The following ERI2 variants were observed in gnomAD, a reference collection of about 807,000 sequenced individuals.
The protein encoded by ERI2 is ERI1 exoribonuclease 2.
A neutral mutation model predicts 46.8 loss-of-function variants in ERI2; 35 were observed. That is an observed-to-expected ratio of 0.75 (90% CI 0.57 to 0.99). The LOEUF (loss-of-function observed/expected upper bound fraction) is 0.99. Among genes scored for constraint, ERI2 ranks in the 50% least tolerant of loss-of-function variants. The pLI is 0.00. For synonymous variants in ERI2, 224 were observed against 271.0 expected, an observed-to-expected ratio of 0.83 and a Z score of 1.70; for missense variants, 695 against 796.2, an observed-to-expected ratio of 0.87 and a Z score of 1.53.
intron 7 of ERI2, 102 bp downstream of exon 7, chr16:20,799,855 G>A (rs761164984): frequency 3.1e-6 from 2 of 652,860 alleles, no homozygotes; most frequent in East Asian, 5.5e-5. Context: ...TTTTTTTTTA[G>A]GCTGAAGATA....
In ERI2 at chr16:20,789,372, T is replaced by C. The variant is rs545967099; in HGVS notation, c.894+107A>G. On this transcript the variant is annotated intron_variant, in intron 10 of 10. Coordinates refer to the ERI2 transcript ENST00000300005. ...AAGTACTTAAAGGTTTAGCATTAATTACTTAGCATGTATTAAGTACTTAAT... is the reference window on the plus strand; with the variant it reads ...AAGTACTTAAAGGTTTAGCATTAATCACTTAGCATGTATTAAGTACTTAAT... The C allele has an allele frequency of 3.4e-5, 28 of 811,626 alleles. No individual in the cohort carries two copies. The South Asian group carries it at 4.3e-4, about 13-fold the overall frequency. 50.3% of individuals were successfully genotyped at this position (811,626 alleles called of 1,614,324 possible). A position where few individuals can be genotyped will look rare whatever the true frequency, so the allele number is the denominator to read the frequency against.
chr16:20,787,178 T>C (rs2080492720), intron 10 of ERI2, among the ~76,000 whole-genome samples: 1 of 152,212 alleles, frequency 6.6e-6, no homozygotes, highest in African/African-American at 2.4e-5. Context: ...TATGATAGGG[T>C]TATGTCCCAA....
chr16:20,788,249 C>T (rs577173986), intron 10 of ERI2, among the ~76,000 whole-genome samples: 2 of 152,334 alleles, frequency 1.3e-5, no homozygotes, highest in Non-Finnish European at 2.9e-5. Context: ...TAAGCACACT[C>T]ATGTCTGCAT....
intron 5 of ERI2, 113 bp downstream of exon 5, chr16:20,801,090 C>A (rs974433934): frequency 2.0e-6 from 2 of 1,019,142 alleles, no homozygotes; most frequent in African/African-American, 3.3e-5. Flanking sequence ...TTTTTCCTAG[C>A]CCAGAAGATT....
At chr16:20,789,564 A>C (rs763107432) in intron 9 of ERI2, 1 of 1,592,316 alleles carries the variant, frequency 6.3e-7, no homozygotes, top group East Asian at 2.2e-5. Flanking sequence ...ACAGCTAAAC[A>C]AAGTTTGAAA....
In ERI2 at chr16:20,800,066, A is replaced by G. The variant is rs116689927; in HGVS notation, c.562-28T>C. ...AACCAATAAAAAAAGATATATTTAA[A>G]AGAAGATTACTATTTTAAAGACTAT... is the stretch of plus-strand genomic sequence containing the variant. On this transcript the variant is annotated intron_variant, in intron 6 of 8. Transcript: ENST00000357967. 1,444 of 1,374,230 alleles carry G rather than the reference A, an allele frequency of 1.1e-3. 9 individuals are homozygous for G. The African/African-American group carries it at 0.018, about 17-fold the overall frequency. 85.1% of individuals were successfully genotyped at this position (1,374,230 alleles called of 1,614,324 possible).
At chr16:20,793,548 C>A (rs985717004), downstream of ERI2, among the ~76,000 whole-genome samples, 1 of 151,902 alleles carries the variant, frequency 6.6e-6, no homozygotes, top group African/African-American at 2.4e-5. Flanking sequence ...GGATCTCCCC[C>A]CAGGACTGAT....
In ERI2 at chr16:20,790,496, G is replaced by A; in HGVS notation, c.815+354C>T. 6.8e-6 allele frequency: 9 copies of A among 1,324,550 alleles called. 1 individual carries two copies. In the South Asian group the frequency reaches 1.1e-4, roughly 16 times the overall value. The allele number at this position is 1,324,550 out of a possible 1,614,324, so 82.0% of individuals were successfully genotyped here. On this transcript the variant is annotated intron_variant, in intron 9 of 10. Transcript: ENST00000300005. The surrounding 1 kb of genome is among the most constrained non-coding windows in gnomAD (Gnocchi z 4.0). ...TTTTTTAAGTCTTCATTTTTAAATGGCAAAAGCCAAAATAAAACTTGCAAA... is the reference window on the plus strand; with the variant it reads ...TTTTTTAAGTCTTCATTTTTAAATGACAAAAGCCAAAATAAAACTTGCAAA...
At position 20,798,926 on chromosome 16, in the gene ERI2, T is replaced by C. The variant is rs1241222950; in HGVS notation, c.874A>G (p.Lys292Glu). The C allele has an allele frequency of 1.3e-6, 2 of 1,551,108 alleles. No individual in the cohort carries two copies. The highest frequency in any genetic ancestry group is 3.9e-5 in the Admixed American group (2 of 50,908). ...GCACAAATTGACTTCATTTGAACTTTTTCATGAGGATTTATTATATTTTTA... is the reference window on the plus strand; with the variant it reads ...GCACAAATTGACTTCATTTGAACTTCTTCATGAGGATTTATTATATTTTTA... ...EPKNIINPHE[K>E]VQMKSICANS... Residue 292 changes from lysine to glutamate, a missense_variant, in exon 9 of 9, where the codon AAA becomes GAA. Physicochemically the swap from Lys to Glu is moderately conservative, Grantham distance 56 (BLOSUM62 1). Coordinates refer to ENST00000357967, the MANE Select transcript of ERI2 (RefSeq NM_001142725.2).
Position 20,790,745 on chromosome 16 carries a change from A to C in ERI2, c.815+105T>G. 1 of 1,613,702 alleles carries C rather than the reference A, an allele frequency of 6.2e-7. No individual in the cohort carries two copies. Among genetic ancestry groups the C allele is most frequent in the Non-Finnish European group, 8.5e-7 (1 of 1,179,660 alleles). ...ATTTATTTCTCAAGTGCTTGGTAAC[A>C]ATCCCTGTTTGCCACAAAACATACC... On this transcript the variant is annotated intron_variant, in intron 9 of 10. Transcript: ENST00000300005. This position sits in a 1 kb window ranked among gnomAD's most constrained non-coding sequence, Gnocchi z 4.0.
intron 3 of ERI2, 130 bp downstream of exon 3, chr16:20,803,303 A>G: frequency 1.9e-6 from 2 of 1,053,844 alleles, no homozygotes; most frequent in East Asian, 5.3e-5. Flanking sequence ...TTTTTATTCA[A>G]CATAAGTTTT....
chr16:20,780,457 C>T, exon 11 of ERI2: 2 of 667,654 alleles, frequency 3.0e-6, no homozygotes, highest in East Asian at 2.8e-5. Context: ...TGCTTCAATC[C>T]TTCTTTATCA....
At chr16:20,786,360 C>T in intron 10 of ERI2, 4 of 1,070,608 alleles carry the variant, frequency 3.7e-6, no homozygotes, top group Non-Finnish European at 5.1e-6. Context: ...CCATATTGTA[C>T]CATACAGTTC....
intron 4 of ERI2, among the ~76,000 whole-genome samples, chr16:20,801,912 C>T (rs1240994952): frequency 6.6e-6 from 1 of 151,992 alleles, no homozygotes; most frequent in Non-Finnish European, 1.5e-5. Context: ...GTGTGTAACA[C>T]CATGCCTGGC....
At chr16:20,787,124 G>A (rs4570833) in intron 10 of ERI2, among the ~76,000 whole-genome samples, 64,945 of 152,056 alleles carry the variant, frequency 0.43, 16,411 homozygotes, top group Non-Finnish European at 0.58. Context: ...TCAAAGCTGG[G>A]TGTAGCCAAA....
At chr16:20,796,121 A>G (rs118134669), downstream of ERI2, 2,668 of 457,970 alleles carry the variant, frequency 5.8e-3, 15 homozygotes, top group Non-Finnish European at 8.5e-3. Context: ...ACTACTGTTT[A>G]TAAGTAATCC....
In ERI2 at chr16:20,796,873, T is replaced by C. The variant is rs775616481; in HGVS notation, c.*851A>G. 5.6e-6 allele frequency: 9 copies of C among 1,610,156 alleles called. No homozygotes were observed. Among genetic ancestry groups the C allele is most frequent in the Middle Eastern group, 1.6e-4 (1 of 6,068 alleles). ...AATTTCCAGGCTAATTTTCTTCCCC[T>C]TGATGCCAACAGGTAGAATTTATTC... On this transcript the variant is annotated 3_prime_UTR_variant, in exon 9 of 9. Transcript: ENST00000357967.
downstream of ERI2, chr16:20,791,869 A>C: frequency 1.0e-6 from 1 of 994,356 alleles, no homozygotes; most frequent in Non-Finnish European, 1.4e-6. Flanking sequence ...CAGAGGTTGC[A>C]GTAAGCCAAG....
In ERI2 at chr16:20,798,572, C is replaced by T. The variant is rs1276200727; in HGVS notation, c.1228G>A (p.Asp410Asn). The change falls in exon 9 of 9, where the codon GAT (aspartate) becomes AAT (asparagine). Residue 410 changes from aspartate to asparagine, a missense_variant. Coordinates refer to ENST00000357967, the MANE Select transcript of ERI2 (RefSeq NM_001142725.2). ...DCLPVLADWE[D>N]VVLLPASQPE... is the part of the protein sequence containing the mutation. ...TGAGATGCTGGCAGTAAAACCACATCCTCCCAATCAGCCAACACAGGTAAA... is the reference window on the plus strand; with the variant it reads ...TGAGATGCTGGCAGTAAAACCACATTCTCCCAATCAGCCAACACAGGTAAA... 6 of 1,551,572 alleles carry T rather than the reference C, an allele frequency of 3.9e-6. No individual in the cohort carries two copies. The highest frequency in any genetic ancestry group is 4.4e-6 in the Non-Finnish European group (5 of 1,146,900).
Sources: gnomAD v4.1 joint callset for allele counts (sites outside exome capture counted in the v4.1 genomes callset) on GRCh38, gnomAD v4.1.1 for gene constraint, Gnocchi (gnomAD v3.1) non-coding constraint, MANE v1.5 for transcripts, NCBI Gene and HGNC (gene_info 2026-07-23, HGNC 2026-07-21) for gene names.